The following MTSS1 variants were observed in gnomAD, a reference collection of about 807,000 sequenced individuals.
MTSS1 encodes MTSS I-BAR domain containing 1, also known as protein MTSS 1.
Under a neutral mutation model 79.0 loss-of-function variants are expected in MTSS1, and 18 were observed. That is an observed-to-expected ratio of 0.23 (90% CI 0.16 to 0.34). The LOEUF (loss-of-function observed/expected upper bound fraction) is 0.34. Among genes scored for constraint, MTSS1 ranks in the 10% least tolerant of loss-of-function variants. MTSS1 has a pLI of 1.00. For synonymous variants in MTSS1, 341 were observed against 368.6 expected (o/e 0.93, Z 0.86); for missense variants, 815 against 986.2 (o/e 0.83, Z 2.33).
chr8:124,685,114 G>T (rs540915979), intron 3 of MTSS1, among the ~76,000 whole-genome samples: 11 of 152,266 alleles, frequency 7.2e-5, no homozygotes, highest in African/African-American at 2.6e-4. Flanking sequence ...ACAATCCTGT[G>T]ACATTAAGTA....
chr8:124,621,197 C>T (rs1260798755), intron 3 of MTSS1, among the ~76,000 whole-genome samples: 6 of 152,164 alleles, frequency 3.9e-5, no homozygotes, highest in East Asian at 1.9e-4. Context: ...AATGTTGAAC[C>T]AGAGATCTAT....
At chr8:124,637,750 G>A (rs1313939640) in intron 3 of MTSS1, among the ~76,000 whole-genome samples, 1 of 152,164 alleles carries the variant, frequency 6.6e-6, no homozygotes, top group African/African-American at 2.4e-5. Flanking sequence ...TCTAAGTGAG[G>A]GGGGGTAATC....
intron 3 of MTSS1, among the ~76,000 whole-genome samples, chr8:124,621,571 G>A (rs373552151): frequency 3.9e-5 from 6 of 152,174 alleles, no homozygotes; most frequent in East Asian, 3.9e-4. Flanking sequence ...TTGAGACGGC[G>A]TCTCGCCCTG....
chr8:124,556,323 T>C lies in MTSS1; in HGVS notation c.1313A>G (p.Asn438Ser), dbSNP rs1196087640. The C allele has an allele frequency of 2.5e-6, 4 of 1,614,102 alleles. No individual in the cohort carries two copies. Among genetic ancestry groups the C allele is most frequent in the East Asian group, 4.5e-5 (2 of 44,888 alleles). Residue 438 changes from asparagine to serine, a missense_variant, in exon 12 of 14, where the codon AAC becomes AGC. Transcript: ENST00000518547. ...RRKEKREPDPNGGGPTTASGP... is the reference protein window; with the variant it reads ...RRKEKREPDPSGGGPTTASGP... ...GCTGGCGGTAGTGGGTCCTCCCCCG[T>C]TGGGGTCCGGTTCTCGCTTCTCTTT...
chr8:124,645,842 C>T (rs1418066877), intron 3 of MTSS1, among the ~76,000 whole-genome samples: 2 of 152,248 alleles, frequency 1.3e-5, no homozygotes, highest in East Asian at 1.9e-4. Flanking sequence ...CCAGCTTCCT[C>T]GGCTTAAGTG....
At chr8:124,605,135 T>C (rs918041757) in intron 3 of MTSS1, among the ~76,000 whole-genome samples, 31 of 152,164 alleles carry the variant, frequency 2.0e-4, no homozygotes, top group Admixed American at 2.0e-3. Context: ...GGGTGTCACC[T>C]GGGAAATGCC....
chr8:124,568,622 G>C lies in MTSS1; in HGVS notation c.461-86C>G, dbSNP rs112648419. 5,032 of 1,578,330 alleles carry C rather than the reference G, an allele frequency of 3.2e-3. 80 individuals carry two copies. In the African/African-American group the frequency reaches 0.044, roughly 14 times the overall value. On this transcript the variant is annotated intron_variant, in intron 6 of 13. Coordinates refer to ENST00000518547, the MANE Select transcript of MTSS1 (RefSeq NM_014751.6). ...CCTCCTCCCTGGGGTCCTTGCTGGA[G>C]TCAAAACCACAATTTTCCAGGATGT...
chr8:124,614,242 G>A (rs1836424038), intron 3 of MTSS1, among the ~76,000 whole-genome samples: 1 of 151,814 alleles, frequency 6.6e-6, no homozygotes, highest in Non-Finnish European at 1.5e-5. Context: ...CACACAGCTA[G>A]GGGAAAGAAC....
intron 12 of MTSS1, 86 bp from the exon 13 acceptor site, chr8:124,555,990 G>C: frequency 6.4e-7 from 1 of 1,564,230 alleles, no homozygotes; most frequent in Non-Finnish European, 8.6e-7. Context: ...AGCACTACAT[G>C]TCTGTGGGGC....
At chr8:124,555,939 TTA>T (rs1491322312) in intron 12 of MTSS1, 35 bp from the exon 13 acceptor site, 19 of 1,561,118 alleles carry the variant, frequency 1.2e-5, no homozygotes, top group Admixed American at 1.8e-5. Flanking sequence ...ACAGGTTGCT[TTA>T]GGGGGGGGGC....
chr8:124,701,571 T>C (rs2135435729), intron 2 of MTSS1, among the ~76,000 whole-genome samples: 1 of 152,336 alleles, frequency 6.6e-6, no homozygotes, highest in Non-Finnish European at 1.5e-5. Flanking sequence ...CTTGTTCTGA[T>C]TTACAATTAA....
At chr8:124,598,885 A>G (rs1833234101) in intron 3 of MTSS1, among the ~76,000 whole-genome samples, 2 of 152,094 alleles carry the variant, frequency 1.3e-5, no homozygotes, top group African/African-American at 4.8e-5. Context: ...CTGTCTGGTT[A>G]GGAAGAGCTC....
chr8:124,609,958 T>C (rs1349761242), intron 3 of MTSS1, among the ~76,000 whole-genome samples: 5 of 152,188 alleles, frequency 3.3e-5, no homozygotes, highest in African/African-American at 9.6e-5. Flanking sequence ...CCCCTCTCCC[T>C]GGTGATGTGC....
chr8:124,696,020 C>T (rs1828758977), intron 3 of MTSS1, among the ~76,000 whole-genome samples: 1 of 151,866 alleles, frequency 6.6e-6, no homozygotes, highest in South Asian at 2.1e-4. Flanking sequence ...CAGAGTCTTG[C>T]TCTGTCACCC....
intron 3 of MTSS1, among the ~76,000 whole-genome samples, chr8:124,609,251 AC>A (rs1298114340): frequency 6.6e-6 from 1 of 151,892 alleles, no homozygotes; most frequent in African/African-American, 2.4e-5. Context: ...AAGCTTCTCC[AC>A]CCCTCGCCTT....
At chr8:124,575,604 T>A (rs1828819186) in intron 6 of MTSS1, among the ~76,000 whole-genome samples, 1 of 152,172 alleles carries the variant, frequency 6.6e-6, no homozygotes, top group Non-Finnish European at 1.5e-5. Flanking sequence ...TGTTTGTTTT[T>A]TAAAGAGAGC....
At chr8:124,675,124 T>A (rs1460287799) in intron 3 of MTSS1, among the ~76,000 whole-genome samples, 2 of 152,256 alleles carry the variant, frequency 1.3e-5, no homozygotes, top group African/African-American at 4.8e-5. Context: ...AGCAGGTATG[T>A]GGAGGAGCTT....
intron 6 of MTSS1, among the ~76,000 whole-genome samples, chr8:124,577,838 G>A (rs1829270530): frequency 6.6e-6 from 1 of 152,142 alleles, no homozygotes; most frequent in Admixed American, 6.5e-5. Context: ...CAATGGGGGT[G>A]GGGTTGCAGG....
chr8:124,621,932 A>G (rs999561576), intron 3 of MTSS1, among the ~76,000 whole-genome samples: 2 of 152,020 alleles, frequency 1.3e-5, no homozygotes, highest in Non-Finnish European at 2.9e-5. Flanking sequence ...GGGCACTTGA[A>G]CCATCCGTTT....
Sources: gnomAD v4.1 joint callset for allele counts (sites outside exome capture counted in the v4.1 genomes callset) on GRCh38, gnomAD v4.1.1 for gene constraint, MANE v1.5 for transcripts, NCBI Gene and HGNC (gene_info 2026-07-23, HGNC 2026-07-21) for gene names.